AKAP1: variants seen among roughly 807,000 people sequenced by gnomAD.
AKAP1 encodes A-kinase anchor protein 1, mitochondrial.
AKAP1 carries 32 observed loss-of-function variants against 79.8 expected under a neutral mutation model. That is an observed-to-expected ratio of 0.40 (90% CI 0.30 to 0.54). AKAP1 has a LOEUF of 0.54. AKAP1 is among the 20% of genes least tolerant of loss of function. AKAP1 has a pLI of 0.47. For missense variants in AKAP1, 961 were observed against 1,138.9 expected (o/e 0.84, Z 2.25); for synonymous variants, 416 against 466.7 (o/e 0.89, Z 1.40).
At chr17:57,118,514 C>T (rs1915728123) in intron 9 of AKAP1, 60 bp downstream of exon 9, 1 of 1,542,574 alleles carries the variant, frequency 6.5e-7, no homozygotes, top group Admixed American at 1.7e-5. Context: ...ACTGACCTTT[C>T]AATGCCTTCT....
intron 10 of AKAP1, among the ~76,000 whole-genome samples, chr17:57,119,871 A>G (rs189289049): frequency 3.0e-3 from 173 of 57,370 alleles, no homozygotes; most frequent in African/African-American, 0.014. Flanking sequence ...TGCTCTTGTT[A>G]TCCAGGCTGG....
Position 57,120,274 on chromosome 17 carries a change from G to A in AKAP1, c.2662G>A (p.Val888Met). ...DEVVLINRSL[V>M]ERGLAQWVDS... ...GGTGGTGTTGATAAACCGGTCCCTGGTGGAGCGAGGCCTTGCCCAGTGGGT... is the reference window on the plus strand; with the variant it reads ...GGTGGTGTTGATAAACCGGTCCCTGATGGAGCGAGGCCTTGCCCAGTGGGT... The change falls in exon 11 of 11, where the codon GTG (valine) becomes ATG (methionine). Residue 888 changes from valine (V) to methionine (M), a missense_variant. Around this residue, in one of 3 missense-constraint regions of AKAP1, gnomAD observed 629 missense variants for 781.1 expected, o/e 0.81. Transcript: ENST00000337714. 4 of 1,613,814 alleles carry A rather than the reference G, an allele frequency of 2.5e-6. No homozygotes were observed. The highest frequency in any genetic ancestry group is 1.3e-5 in the African/African-American group (1 of 74,992).
Position 57,110,117 on chromosome 17 carries a change from A to G in AKAP1, c.1807A>G (p.Lys603Glu), listed in dbSNP as rs1597983377. 6.2e-7 allele frequency: 1 copy of G among 1,614,096 alleles called. No individual in the cohort carries two copies. The highest frequency in any genetic ancestry group is 2.2e-5 in the East Asian group (1 of 44,858). The change falls in exon 3 of 11, where the codon AAG (lysine) becomes GAG (glutamate). Residue 603 changes from lysine (K) to glutamate (E), a missense_variant. This residue lies in a region of AKAP1 where 629 missense variants were observed against 781.1 expected (regional missense o/e 0.81). Coordinates refer to ENST00000337714, the MANE Select transcript of AKAP1 (RefSeq NM_003488.4). ...AAATGCCCAGGCAGGCTCCAACCCT[A>G]AGAAGGTCGACCTCATCATCTGGGA... is the stretch of plus-strand genomic sequence containing the variant. Reference protein sequence around the residue: ...FQNAQAGSNPKKVDLIIWEIE... With the variant: ...FQNAQAGSNPEKVDLIIWEIE...
chr17:57,110,227 C>T (rs575240889), intron 3 of AKAP1, 69 bp downstream of exon 3: 1 of 1,576,968 alleles, frequency 6.3e-7, no homozygotes, highest in Non-Finnish European at 8.6e-7. Context: ...GGCCATTAGA[C>T]CTCAGGGAGG....
chr17:57,100,108 C>A (rs1274009658), intron 1 of AKAP1, among the ~76,000 whole-genome samples: 1 of 152,158 alleles, frequency 6.6e-6, no homozygotes, highest in Non-Finnish European at 1.5e-5. Context: ...GAGTCTGCGG[C>A]CTTGGGCCCT....
intron 1 of AKAP1, among the ~76,000 whole-genome samples, chr17:57,102,563 T>C (rs1201686521): frequency 6.6e-6 from 1 of 151,664 alleles, no homozygotes; most frequent in Admixed American, 6.6e-5. Context: ...CCTCCCGGGT[T>C]CAAGTGATTC....
At position 57,118,474 on chromosome 17, in the gene AKAP1, G is replaced by T. The variant is rs199605238; in HGVS notation, c.2574+20G>T. On this transcript the variant is annotated intron_variant, in intron 9 of 10. Transcript: ENST00000337714. The stretch of plus-strand genomic sequence containing the variant: ...GCTCAGGTGTGTGGTTGGCAGGGGT[G>T]GGGGAGGCAGGCTGGCTGGGTTCTT... 41 of 1,613,146 alleles carry T rather than the reference G, an allele frequency of 2.5e-5. No homozygotes were observed. Among genetic ancestry groups the T allele is most frequent in the Admixed American group, 5.0e-5 (3 of 59,982 alleles).
At chr17:57,110,280 G>A in intron 3 of AKAP1, 122 bp downstream of exon 3, 1 of 1,373,408 alleles carries the variant, frequency 7.3e-7, no homozygotes, top group African/African-American at 1.4e-5. Context: ...GGAGCCCTGG[G>A]TCAGCCAAAG....
In AKAP1 at chr17:57,106,267, C is replaced by T; in HGVS notation, c.803C>T (p.Pro268Leu). Reference sequence around the variant, plus strand: ...GAAGAGTATGTAGCAGAGAAGTTGCCAAGTAGGTTCATCGAGTCGGCTCAC... The same window carrying T: ...GAAGAGTATGTAGCAGAGAAGTTGCTAAGTAGGTTCATCGAGTCGGCTCAC... ...QEEEYVAEKLPSRFIESAHTE... is the reference protein window; with the variant it reads ...QEEEYVAEKLLSRFIESAHTE... Residue 268 changes from proline to leucine, a missense_variant, in exon 2 of 11, where the codon CCA (proline) becomes CTA (leucine). Transcript: ENST00000337714. 1 of 1,614,098 alleles carries T rather than the reference C, an allele frequency of 6.2e-7. No homozygotes were observed. The highest frequency in any genetic ancestry group is 8.5e-7 in the Non-Finnish European group (1 of 1,180,014).
intron 10 of AKAP1, among the ~76,000 whole-genome samples, 161 bp from the exon 11 acceptor site, chr17:57,120,089 A>G (rs1426835524): frequency 6.6e-6 from 1 of 151,810 alleles, no homozygotes; most frequent in Non-Finnish European, 1.5e-5. Context: ...GCCTCCCAAA[A>G]TGCTAGGATT....
At chr17:57,115,437 C>T (rs1298705288) in intron 6 of AKAP1, among the ~76,000 whole-genome samples, 1 of 152,200 alleles carries the variant, frequency 6.6e-6, no homozygotes, top group African/African-American at 2.4e-5. Context: ...GGTCAGGACC[C>T]AGCACAGTCA....
chr17:57,109,454 C>T (rs760279229), intron 2 of AKAP1, among the ~76,000 whole-genome samples: 3 of 152,242 alleles, frequency 2.0e-5, no homozygotes, highest in African/African-American at 7.2e-5. Flanking sequence ...CCACATATGG[C>T]AGAGGAACGA....
chr17:57,108,540 G>T lies in AKAP1; in HGVS notation c.1714+1362G>T, dbSNP rs74681389. Reference sequence around the variant, plus strand: ...TGGATAGTAGTAGCTACTCAGACCTGTTGAAGTCTTCTGAGTTTAGGCTTG... The same window carrying T: ...TGGATAGTAGTAGCTACTCAGACCTTTTGAAGTCTTCTGAGTTTAGGCTTG... On this transcript the variant is annotated intron_variant, in intron 2 of 10. Coordinates refer to ENST00000337714, the MANE Select transcript of AKAP1 (RefSeq NM_003488.4). Among the ~76,000 whole-genome samples the T allele has an allele frequency of 4.5e-4, 68 of 152,326 alleles. No homozygotes were observed. The East Asian group carries it at 9.1e-3, about 20-fold the overall frequency.
At chr17:57,101,327 C>G (rs1567902654) in intron 1 of AKAP1, among the ~76,000 whole-genome samples, 1 of 152,148 alleles carries the variant, frequency 6.6e-6, no homozygotes, top group Admixed American at 6.5e-5. Context: ...GCCTCTGGAG[C>G]AGCTGGAATT....
chr17:57,110,518 C>T (rs1382225230), intron 3 of AKAP1, among the ~76,000 whole-genome samples: 1 of 152,186 alleles, frequency 6.6e-6, no homozygotes, highest in Non-Finnish European at 1.5e-5. Flanking sequence ...GAGCTCTGCT[C>T]AAGTGCTCCA....
At position 57,106,530 on chromosome 17, in the gene AKAP1, A is replaced by G; in HGVS notation, c.1066A>G (p.Ile356Val). The change falls in exon 2 of 11, where the codon ATC becomes GTC. Residue 356 changes from isoleucine to valine, a missense_variant. Physicochemically the swap from Ile to Val is conservative, Grantham distance 29. Around this residue, in one of 3 missense-constraint regions of AKAP1, gnomAD observed 629 missense variants for 781.1 expected, o/e 0.81. Transcript: ENST00000337714. ...RAAFQIISQV[I>V]SEATEQVLAT... is the part of the protein sequence containing the mutation. The stretch of plus-strand genomic sequence containing the variant: ...TGCCTTCCAGATAATCTCCCAAGTG[A>G]TCTCAGAAGCAACCGAACAGGTGCT... 1 of 1,614,172 alleles carries G rather than the reference A, an allele frequency of 6.2e-7. No homozygotes were observed. Among genetic ancestry groups the G allele is most frequent in the Non-Finnish European group, 8.5e-7 (1 of 1,180,038 alleles).
chr17:57,100,582 C>A lies in AKAP1; in HGVS notation c.-24-4859C>A, dbSNP rs79193294. 8.6e-3 allele frequency among the ~76,000 whole-genome samples: 1,314 copies of A among 152,306 alleles called. 6 individuals are homozygous for A. Among genetic ancestry groups the A allele is most frequent in the Middle Eastern group, 0.027 (8 of 294 alleles). ...CTGTAAGCCGAGATCGTGCCCACTG[C>A]ACTCCAGCTTGGGCGACAGAGCAAG... On this transcript the variant is annotated intron_variant, in intron 1 of 10. Transcript: ENST00000337714.
intron 5 of AKAP1, among the ~76,000 whole-genome samples, chr17:57,113,224 C>G (rs1025404025): frequency 2.0e-5 from 3 of 152,224 alleles, no homozygotes; most frequent in Non-Finnish European, 4.4e-5. Flanking sequence ...ACTGCAGGGT[C>G]TCTCAGGGCC....
rs370946655 is a variant in AKAP1 at position 57,120,636 on chromosome 17, C to T, written c.*312C>T. On this transcript the variant is annotated 3_prime_UTR_variant, in exon 11 of 11. Coordinates refer to ENST00000337714, the MANE Select transcript of AKAP1 (RefSeq NM_003488.4). Reference sequence around the variant, plus strand: ...ATTGTCCTATTCCCCCTGTTCCATTCCCCTCTTCTTCCTTCTATCTCCTTC... The same window carrying T: ...ATTGTCCTATTCCCCCTGTTCCATTTCCCTCTTCTTCCTTCTATCTCCTTC... The T allele has an allele frequency of 3.5e-5, 8 of 227,266 alleles. No individual in the cohort carries two copies. The East Asian group carries it at 7.2e-4, about 21-fold the overall frequency. The allele number at this position is 227,266 out of a possible 1,614,324, so 14.1% of individuals were successfully genotyped here.
Sources: allele counts gnomAD v4.1 joint callset (sites outside exome capture counted in the v4.1 genomes callset), GRCh38; gene constraint gnomAD v4.1.1; regional missense constraint gnomAD v4.1.1; transcripts MANE v1.5; gene names NCBI Gene and HGNC (gene_info 2026-07-23, HGNC 2026-07-21).